Variants in LAMB4 observed in about 807,000 individuals in gnomAD.
LAMB4 encodes laminin subunit beta 4.
Under a neutral mutation model 199.2 loss-of-function variants are expected in LAMB4, and 196 were observed. That is an observed-to-expected ratio of 0.98 (90% CI 0.88 to 1.11). The LOEUF is 1.11. LAMB4 is among the 50% of genes least tolerant of loss of function. LAMB4 has a pLI of 0.00. For missense variants in LAMB4, 2,080 were observed against 2,171.2 expected, an observed-to-expected ratio of 0.96 and a Z score of 0.83; for synonymous variants, 744 against 770.6, an observed-to-expected ratio of 0.97 and a Z score of 0.57.
At chr7:108,077,147 T>G in intron 16 of LAMB4, 83 bp from the exon 17 acceptor site, 1 of 1,428,634 alleles carries the variant, frequency 7.0e-7, no homozygotes, top group East Asian at 2.3e-5. Context: ...TTGGTAGCAT[T>G]GCACTTGTAC....
chr7:108,052,065 C>T (rs1348757898), intron 26 of LAMB4, 32 bp downstream of exon 26: 2 of 1,569,666 alleles, frequency 1.3e-6, no homozygotes, highest in Non-Finnish European at 1.7e-6. Context: ...AAACTTTGTG[C>T]AGACACAGTC....
intron 1 of LAMB4, among the ~76,000 whole-genome samples, chr7:108,125,561 T>G (rs987201377): frequency 6.6e-6 from 1 of 152,232 alleles, no homozygotes; most frequent in Admixed American, 6.5e-5. Flanking sequence ...TGGGGTAAAG[T>G]GCTACATAGG....
intron 14 of LAMB4, among the ~76,000 whole-genome samples, chr7:108,084,287 C>T (rs1014317339): frequency 6.6e-6 from 1 of 152,170 alleles, no homozygotes; most frequent in African/African-American, 2.4e-5. Context: ...TATGACTCAT[C>T]AGAATCCTGG....
chr7:108,103,154 C>T lies in LAMB4; in HGVS notation c.1070G>A (p.Gly357Asp), dbSNP rs2037875446. The T allele has an allele frequency of 3.1e-6, 5 of 1,610,752 alleles. No individual in the cohort carries two copies. Among genetic ancestry groups the T allele is most frequent in the East Asian group, 2.2e-5 (1 of 44,780 alleles). Residue 357 changes from glycine (G) to aspartate (D), a missense_variant, in exon 10 of 34, where the codon GGC becomes GAC. Gly to Asp is a moderately conservative substitution (Grantham distance 94). Transcript: ENST00000388781. ...TYLASGGLSG[G>D]VCEDCQHNTE... ...GTTGTGCTGGCAGTCTTCACACACGCCCCCGCTGAGGCCACCGCTTGCCAG... is the reference window on the plus strand; with the variant it reads ...GTTGTGCTGGCAGTCTTCACACACGTCCCCGCTGAGGCCACCGCTTGCCAG...
Position 108,107,829 on chromosome 7 carries a change from A to G in LAMB4, c.403-10T>C, listed in dbSNP as rs763520624. ...CAGCAGGCCGAAAAGTCTAGGAAAA[A>G]TGAGTAAAAGTTGGCACATTTCACA... On this transcript the variant is annotated splice_polypyrimidine_tract_variant and intron_variant, in intron 5 of 33. Coordinates refer to ENST00000388781, the MANE Select transcript of LAMB4 (RefSeq NM_007356.3). The G allele has an allele frequency of 6.4e-7, 1 of 1,569,264 alleles. No individual in the cohort carries two copies.
chr7:108,098,050 T>A (rs924030710), intron 11 of LAMB4, among the ~76,000 whole-genome samples: 6 of 152,162 alleles, frequency 3.9e-5, no homozygotes, highest in African/African-American at 1.4e-4. Context: ...TGATCATCAA[T>A]TTTTAGGGCA....
At chr7:108,056,605 T>C (rs997631988) in intron 24 of LAMB4, among the ~76,000 whole-genome samples, 3 of 152,238 alleles carry the variant, frequency 2.0e-5, no homozygotes, top group Non-Finnish European at 4.4e-5. Context: ...TTGATCTTAC[T>C]GCAATTTCCA....
chr7:108,111,710 A>G (rs1203636727), intron 4 of LAMB4, 101 bp downstream of exon 4: 7 of 1,017,558 alleles, frequency 6.9e-6, no homozygotes, highest in Admixed American at 6.3e-5. Context: ...TTCCATTCCA[A>G]TATAATACTT....
intron 2 of LAMB4, among the ~76,000 whole-genome samples, chr7:108,119,341 A>G (rs1464983102): frequency 6.6e-6 from 1 of 152,228 alleles, no homozygotes; most frequent in Non-Finnish European, 1.5e-5. Flanking sequence ...AAATGTCCAC[A>G]GCATCTTTAT....
chr7:108,123,697 T>C (rs767353066), intron 1 of LAMB4, among the ~76,000 whole-genome samples: 1 of 152,216 alleles, frequency 6.6e-6, no homozygotes, highest in Non-Finnish European at 1.5e-5. Context: ...AAGAGCCTTT[T>C]CTTCCATACT....
At chr7:108,070,574 A>G (rs2036500004) in intron 17 of LAMB4, among the ~76,000 whole-genome samples, 2 of 152,180 alleles carry the variant, frequency 1.3e-5, no homozygotes, top group South Asian at 2.1e-4. Flanking sequence ...ATCCACTTCC[A>G]CTTAATGAAT....
Position 108,130,101 on chromosome 7 carries a change from A to G in LAMB4, c.-34+205T>C, listed in dbSNP as rs1159164325. Among the ~76,000 whole-genome samples, 5 of 152,264 alleles carry G rather than the reference A, an allele frequency of 3.3e-5. No homozygotes were observed. The South Asian group carries it at 6.2e-4, about 19-fold the overall frequency. On this transcript the variant is annotated intron_variant, in intron 1 of 33. Transcript: ENST00000388781. ...TTCATATCACAATGCACTAACATCA[A>G]TTTTCCCATTGGATACTGTTTTATG...
chr7:108,103,007 G>A (rs191312175), intron 10 of LAMB4, 37 bp downstream of exon 10: 5 of 1,499,726 alleles, frequency 3.3e-6, no homozygotes, highest in Admixed American at 3.8e-5. Context: ...ACTTTGCTCA[G>A]ACAGTGGGTA....
At chr7:108,109,817 C>T (rs2038155056) in intron 4 of LAMB4, among the ~76,000 whole-genome samples, 1 of 152,048 alleles carries the variant, frequency 6.6e-6, no homozygotes, top group Non-Finnish European at 1.5e-5. Flanking sequence ...CCATCTCTAG[C>T]AGAGATGTGG....
chr7:108,120,696 A>T (rs2038567885), intron 2 of LAMB4, among the ~76,000 whole-genome samples: 1 of 152,250 alleles, frequency 6.6e-6, no homozygotes, highest in Non-Finnish European at 1.5e-5. Flanking sequence ...AATAGACCAA[A>T]GATTTTTAAG....
rs757990642 is a variant in LAMB4 at position 108,055,912 on chromosome 7, C to G, written c.3475G>C (p.Asp1159His). ...TGGCTGTGTCCCCGGGCACAGCGAT[C>G]ACATCTCTGGCCGCTGACACCCTCC... is the stretch of plus-strand genomic sequence containing the variant. ...CREGVSGQRC[D>H]RCARGHSQEF... is the part of the protein sequence containing the mutation. The change falls in exon 25 of 34, where the codon GAT becomes CAT. Residue 1159 changes from aspartate (D) to histidine (H), a missense_variant. Transcript: ENST00000388781. 3 of 1,614,184 alleles carry G rather than the reference C, an allele frequency of 1.9e-6. No homozygotes were observed. Among genetic ancestry groups the G allele is most frequent in the Non-Finnish European group, 2.5e-6 (3 of 1,180,032 alleles).
downstream of LAMB4, among the ~76,000 whole-genome samples, chr7:108,023,367 T>A (rs2034732522): frequency 6.6e-6 from 1 of 152,180 alleles, no homozygotes; most frequent in Admixed American, 6.5e-5. Context: ...TACTAAACAA[T>A]AAGAACATGA....
At chr7:108,040,641 A>G (rs1248442252) in intron 29 of LAMB4, among the ~76,000 whole-genome samples, 1 of 152,250 alleles carries the variant, frequency 6.6e-6, no homozygotes, top group African/African-American at 2.4e-5. Context: ...GACAAAGTCA[A>G]CAAAACCAAG....
intron 17 of LAMB4, among the ~76,000 whole-genome samples, chr7:108,073,438 A>G (rs901990384): frequency 6.6e-6 from 1 of 152,340 alleles, no homozygotes; most frequent in African/African-American, 2.4e-5. Flanking sequence ...AATGCCTAAT[A>G]TATTTTTTAC....
Sources: allele counts gnomAD v4.1 joint callset (sites outside exome capture counted in the v4.1 genomes callset), GRCh38; gene constraint gnomAD v4.1.1; transcripts MANE v1.5; gene names NCBI Gene and HGNC (gene_info 2026-07-23, HGNC 2026-07-21).